CEP126: variants seen among roughly 807,000 people sequenced by gnomAD.
The protein encoded by CEP126 is centrosomal protein of 126 kDa.
Under a neutral mutation model 107.8 loss-of-function variants are expected in CEP126, and 74 were observed. The observed-to-expected ratio is 0.69, with a 90% CI of 0.57 to 0.83. CEP126 has a LOEUF of 0.83. Ranked by LOEUF, CEP126 falls within the 40% of genes least tolerant of loss-of-function variation. CEP126 has a pLI of 0.00. For synonymous variants in CEP126, 449 were observed against 446.0 expected, an observed-to-expected ratio of 1.01 and a Z score of -0.08; for missense variants, 1,237 against 1,281.9, an observed-to-expected ratio of 0.96 and a Z score of 0.53.
At chr11:101,964,109 C>G (rs1941029608) in intron 6 of CEP126, among the ~76,000 whole-genome samples, 1 of 151,192 alleles carries the variant, frequency 6.6e-6, no homozygotes, top group African/African-American at 2.4e-5. Context: ...AGTTCAAGAC[C>G]AGCCTGGCTA....
At chr11:101,935,653 G>T (rs1344608641) in intron 2 of CEP126, among the ~76,000 whole-genome samples, 1 of 152,048 alleles carries the variant, frequency 6.6e-6, no homozygotes, top group Non-Finnish European at 1.5e-5. Flanking sequence ...TCTGTGCTCT[G>T]TATTTTGTTC....
chr11:101,994,820 C>A (rs1313704353), intron 10 of CEP126, among the ~76,000 whole-genome samples: 1 of 151,690 alleles, frequency 6.6e-6, no homozygotes, highest in Non-Finnish European at 1.5e-5. Flanking sequence ...AATTGAAAAA[C>A]TGCTAAGAAG....
intron 1 of CEP126, among the ~76,000 whole-genome samples, chr11:101,918,739 C>A (rs1184021620): frequency 6.6e-6 from 1 of 152,130 alleles, no homozygotes; most frequent in Non-Finnish European, 1.5e-5. Context: ...ATTCTAAGAA[C>A]CATGCCAGGC....
intron 4 of CEP126, chr11:101,956,084 A>G (rs1217934789): frequency 2.2e-6 from 1 of 456,572 alleles, no homozygotes; most frequent in Non-Finnish European, 4.4e-6. Flanking sequence ...ACCAGCACCA[A>G]TTCCTTCTTG....
intron 5 of CEP126, 104 bp from the exon 6 acceptor site, chr11:101,961,637 C>A: frequency 1.6e-6 from 1 of 618,802 alleles, no homozygotes; most frequent in Non-Finnish European, 2.8e-6. Context: ...TCATACTACT[C>A]TATATGCAAG....
rs1940993917 is a variant in CEP126, at chr11:101,962,619, T to G, written c.1584T>G (p.Pro528=). Residue 528 remains proline, a synonymous_variant, in exon 6 of 11, where the codon CCT becomes CCG. Transcript: ENST00000263468. The stretch of plus-strand genomic sequence containing the variant: ...ACAGTTTTCAAGATGCCTATATACC[T>G]CACAATCCTGATTCAAAAGATGAAA... ...FSDSFQDAYI[P]HNPDSKDEKQ... The G allele has an allele frequency of 6.2e-7, 1 of 1,613,402 alleles. No homozygotes were observed. Among genetic ancestry groups the G allele is most frequent in the African/African-American group, 1.3e-5 (1 of 75,000 alleles).
chr11:101,953,438 C>T (rs1940839850), intron 4 of CEP126, among the ~76,000 whole-genome samples: 1 of 151,822 alleles, frequency 6.6e-6, no homozygotes, highest in South Asian at 2.1e-4. Context: ...TAGATAAGGT[C>T]ACATAGACAG....
Position 101,922,495 on chromosome 11 carries a change from A to G in CEP126, c.129-146A>G, listed in dbSNP as rs1033460049. The G allele has an allele frequency of 1.6e-5, 10 of 623,808 alleles. No homozygotes were observed. The African/African-American group carries it at 1.8e-4, about 11-fold the overall frequency. 38.6% of individuals were successfully genotyped at this position (623,808 alleles called of 1,614,324 possible). A position where few individuals can be genotyped will look rare whatever the true frequency, so the allele number is the denominator to read the frequency against. ...TTTTTACATAAAATGTTTGCCAGTC[A>G]TATACTAATGTGGGCACATACTAAT... On this transcript the variant is annotated intron_variant, in intron 1 of 10. Coordinates refer to ENST00000263468, the MANE Select transcript of CEP126 (RefSeq NM_020802.4).
rs771553777 is a variant in CEP126, at chr11:101,962,998, A to G, written c.1963A>G (p.Thr655Ala). The change falls in exon 6 of 11, where the codon ACA becomes GCA. Residue 655 changes from threonine (T) to alanine (A), a missense_variant. Coordinates refer to ENST00000263468, the MANE Select transcript of CEP126 (RefSeq NM_020802.4). ...TCATTCACTGAAGAATAAAACAGGA[A>G]CAACTCAACAGCATTCTCAACAATT... ...NSHSLKNKTG[T>A]TQQHSQQFHI... The G allele has an allele frequency of 6.2e-7, 1 of 1,613,664 alleles. No homozygotes were observed. Among genetic ancestry groups the G allele is most frequent in the Non-Finnish European group, 8.5e-7 (1 of 1,179,900 alleles).
chr11:101,970,798 G>A (rs773080449), intron 6 of CEP126, among the ~76,000 whole-genome samples: 1 of 152,002 alleles, frequency 6.6e-6, no homozygotes, highest in Non-Finnish European at 1.5e-5. Flanking sequence ...TTGAAACAAA[G>A]TTAATTCTCA....
rs532792507 is a variant in CEP126 at position 101,932,649 on chromosome 11, C to T, written c.248+9889C>T. 7.9e-5 allele frequency among the ~76,000 whole-genome samples: 12 copies of T among 152,100 alleles called. No individual in the cohort carries two copies. In the South Asian group the frequency reaches 2.5e-3, roughly 32 times the overall value. ...TTGCACACTGTTTCTGCCTAGAGCA[C>T]TTTTTTTCCCCATTTTTAAAATGAT... On this transcript the variant is annotated intron_variant, in intron 2 of 10. Transcript: ENST00000263468.
intron 2 of CEP126, among the ~76,000 whole-genome samples, chr11:101,931,154 A>T (rs941573189): frequency 5.3e-5 from 8 of 152,334 alleles, no homozygotes; most frequent in Admixed American, 1.3e-4. Context: ...AGCTTTAGTT[A>T]ATTGATATGT....
chr11:101,971,111 G>C (rs1159142396), intron 6 of CEP126, among the ~76,000 whole-genome samples: 2 of 152,022 alleles, frequency 1.3e-5, no homozygotes, highest in African/African-American at 4.8e-5. Flanking sequence ...GAGACCACAG[G>C]TGCGCACCAC....
rs141375902 is a variant in CEP126 at position 101,993,656 on chromosome 11, T to G, written c.3309+814T>G. ...CTGCTTTCCACAATGACTAAATTAA[T>G]TTGCATTCCCACCAGCAGTGTATAA... On this transcript the variant is annotated intron_variant, in intron 10 of 10. Transcript: ENST00000263468. Among the ~76,000 whole-genome samples, 668 of 152,314 alleles carry G rather than the reference T, an allele frequency of 4.4e-3. 5 individuals are homozygous for G. The highest frequency in any genetic ancestry group is 0.015 in the African/African-American group (642 of 41,576).
rs749770036 is a variant in CEP126, at chr11:101,915,176, G to A, written c.-109G>A. On this transcript the variant is annotated 5_prime_UTR_variant, in exon 1 of 11. Coordinates refer to ENST00000263468, the MANE Select transcript of CEP126 (RefSeq NM_020802.4). Reference sequence around the variant, plus strand: ...CCAACCCTTCCGCGCCCGTGACGCGGGGCCTGAGAGACGGAGTGTAGGGAG... The same window carrying A: ...CCAACCCTTCCGCGCCCGTGACGCGAGGCCTGAGAGACGGAGTGTAGGGAG... The A allele has an allele frequency of 1.5e-5, 23 of 1,511,566 alleles. No homozygotes were observed. The highest frequency in any genetic ancestry group is 1.4e-4 in the African/African-American group (10 of 72,814). The allele number at this position is 1,511,566 out of a possible 1,614,324, so 93.6% of individuals were successfully genotyped here. A position where few individuals can be genotyped will look rare whatever the true frequency, so the allele number is the denominator to read the frequency against.
intron 4 of CEP126, 85 bp from the exon 5 acceptor site, chr11:101,958,083 T>C (rs1591282688): frequency 1.8e-6 from 2 of 1,106,376 alleles, no homozygotes; most frequent in Non-Finnish European, 1.3e-6. Context: ...ACACACGTAT[T>C]ACACCTAATG....
rs570050089 is a variant in CEP126 at position 101,922,232 on chromosome 11, T to G, written c.129-409T>G. Among the ~76,000 whole-genome samples the G allele has an allele frequency of 3.5e-3, 528 of 149,476 alleles. 1 individual carries two copies. The highest frequency in any genetic ancestry group is 9.1e-3 in the African/African-American group (366 of 40,420). Reference sequence around the variant, plus strand: ...CAGACTGGAGTGCAATGGCACAACCTTGGCTCACTGCAACCTCCGCCTCCC... The same window carrying G: ...CAGACTGGAGTGCAATGGCACAACCGTGGCTCACTGCAACCTCCGCCTCCC... On this transcript the variant is annotated intron_variant, in intron 1 of 10. Transcript: ENST00000263468.
intron 9 of CEP126, among the ~76,000 whole-genome samples, chr11:101,991,860 T>C (rs968971420): frequency 6.6e-6 from 1 of 152,362 alleles, no homozygotes; most frequent in African/African-American, 2.4e-5. Context: ...TCTATTTATA[T>C]GAAGTCTAAA....
At chr11:101,971,086 G>A (rs2137119131) in intron 6 of CEP126, among the ~76,000 whole-genome samples, 1 of 152,122 alleles carries the variant, frequency 6.6e-6, no homozygotes, top group Admixed American at 6.5e-5. Flanking sequence ...TCCCATCTCA[G>A]CCCCCTCAGT....
Sources: gnomAD v4.1 joint callset for allele counts (sites outside exome capture counted in the v4.1 genomes callset) on GRCh38, gnomAD v4.1.1 for gene constraint, MANE v1.5 for transcripts, NCBI Gene and HGNC (gene_info 2026-07-23, HGNC 2026-07-21) for gene names.